Variants in DMD observed in about 807,000 individuals in gnomAD.
DMD encodes mutant dystrophin.
In DMD, 63 loss-of-function variants were observed where a neutral mutation model predicts 330.1. The observed-to-expected ratio is 0.19, with a 90% confidence interval of 0.16 to 0.24. DMD has a LOEUF of 0.24. Ranked by LOEUF, DMD falls within the 10% of genes least tolerant of loss-of-function variation. The probability of loss-of-function intolerance (pLI) is 1.00; values close to 1 mark genes in which losing one functional copy is unlikely to be tolerated. For missense variants in DMD, 3,344 were observed against 2,684.1 expected (o/e 1.25, Z -5.43); for synonymous variants, 1,223 against 959.8 (o/e 1.27, Z -5.07).
At chrX:33,046,426 T>C (rs1417593613) in intron 1 of DMD, among the ~76,000 whole-genome samples, 2 of 111,968 alleles carry the variant, frequency 1.8e-5, no homozygotes, top group African/African-American at 6.5e-5. Flanking sequence ...AATGTAAATG[T>C]GCTCCCCAAA....
intron 1 of DMD, among the ~76,000 whole-genome samples, chrX:33,129,556 AT>A (rs1375151648): frequency 2.8e-5 from 3 of 108,462 alleles, no homozygotes; most frequent in Non-Finnish European, 5.7e-5. Context: ...GTTTTCTTTA[AT>A]ATAAAATATT....
At chrX:31,519,973 TACAATAGG>T (rs2072596600) in intron 55 of DMD, among the ~76,000 whole-genome samples, 3 of 111,791 alleles carry the variant, frequency 2.7e-5, no homozygotes, top group Non-Finnish European at 5.6e-5. Flanking sequence ...TCTTCTCTTA[TACAATAGG>T]GTGAACAGTG....
At chrX:31,801,985 C>A (rs538931580) in intron 50 of DMD, among the ~76,000 whole-genome samples, 235 of 111,073 alleles carry the variant, frequency 2.1e-3, no homozygotes, top group African/African-American at 7.3e-3. Flanking sequence ...AGGATAGTGT[C>A]TCAATCAGAG....
intron 55 of DMD, among the ~76,000 whole-genome samples, chrX:31,529,893 T>TC (rs2073583197): frequency 1.0e-5 from 1 of 95,348 alleles, no homozygotes; most frequent in Non-Finnish European, 2.1e-5. Context: ...AAGAAAGATT[T>TC]CTTTAAAAAA....
intron 57 of DMD, among the ~76,000 whole-genome samples, chrX:31,495,294 T>C (rs2069731029): frequency 9.0e-6 from 1 of 111,610 alleles, no homozygotes; most frequent in African/African-American, 3.3e-5. Flanking sequence ...CAGAGATCTT[T>C]CCTTTACATG....
chrX:32,390,379 T>A (rs1200316798), intron 30 of DMD, among the ~76,000 whole-genome samples, 198 bp from the exon 31 acceptor site: 1 of 110,566 alleles, frequency 9.0e-6, no homozygotes, highest in Non-Finnish European at 1.9e-5. Flanking sequence ...ATCACCTAAA[T>A]AGAATTATCA....
At chrX:32,468,737 T>C (rs1324494645) in intron 22 of DMD, 27 bp from the exon 23 acceptor site, 1 of 1,112,058 alleles carries the variant, frequency 9.0e-7, no homozygotes. Context: ...TAAATACATT[T>C]ACCCTAATTG....
intron 45 of DMD, among the ~76,000 whole-genome samples, chrX:31,935,659 T>A (rs185739414): frequency 1.8e-5 from 2 of 111,546 alleles, no homozygotes; most frequent in African/African-American, 6.5e-5. Flanking sequence ...TGAATACTTT[T>A]AGTTAAGTAA....
At chrX:32,500,893 C>A (rs959336223) in intron 19 of DMD, among the ~76,000 whole-genome samples, 1 of 111,561 alleles carries the variant, frequency 9.0e-6, no homozygotes, top group African/African-American at 3.2e-5. Flanking sequence ...GAATTTATGC[C>A]CCAAAATGCA....
intron 37 of DMD, among the ~76,000 whole-genome samples, chrX:32,362,238 C>G (rs985167665): frequency 1.4e-4 from 15 of 109,924 alleles, no homozygotes; most frequent in Non-Finnish European, 2.3e-4. Context: ...ACAGTGTCTA[C>G]AACTAGCAAA....
At chrX:32,463,873 G>T (rs2098392171) in intron 24 of DMD, among the ~76,000 whole-genome samples, 1 of 111,940 alleles carries the variant, frequency 8.9e-6, no homozygotes, top group Admixed American at 9.5e-5. Context: ...TTAGAAAAAT[G>T]TGTGAAAATG....
intron 62 of DMD, among the ~76,000 whole-genome samples, chrX:31,263,525 A>C (rs2050734023): frequency 1.8e-5 from 2 of 112,075 alleles, no homozygotes; most frequent in African/African-American, 6.5e-5. Flanking sequence ...TGGAAGAAGG[A>C]GGAAATTCTA....
In DMD at chrX:32,320,955, T is replaced by C. The variant is rs2097610527; in HGVS notation, c.5923-10679A>G. On this transcript the variant is annotated intron_variant, in intron 41 of 78. Transcript: ENST00000357033. ...AAACTCAACTAATTTGTTATTATTC[T>C]ATATCCAATTGATTTTACTGAATTG... Among the ~76,000 whole-genome samples the C allele has an allele frequency of 5.4e-5, 6 of 111,970 alleles. No homozygotes were observed. In the South Asian group the frequency reaches 2.2e-3, roughly 41 times the overall value.
chrX:31,670,673 A>G (rs2081709677), intron 53 of DMD, among the ~76,000 whole-genome samples: 1 of 111,147 alleles, frequency 9.0e-6, no homozygotes, highest in South Asian at 3.8e-4. Flanking sequence ...TTGTCTTGCA[A>G]CTGTAGCACT....
At chrX:33,281,028 A>T (rs919264214) in intron 1 of DMD, among the ~76,000 whole-genome samples, 5 of 112,001 alleles carry the variant, frequency 4.5e-5, no homozygotes, top group African/African-American at 1.6e-4. Flanking sequence ...CTTAGAGAGA[A>T]TTCACATCTT....
chrX:31,848,105 TTTC>T (rs1377712424), intron 48 of DMD, among the ~76,000 whole-genome samples: 2 of 111,915 alleles, frequency 1.8e-5, no homozygotes, highest in Non-Finnish European at 3.8e-5. Context: ...AAAATTGACG[TTTC>T]TTAATATTAT....
chrX:31,860,345 T>C (rs1214397040), intron 48 of DMD, among the ~76,000 whole-genome samples: 4 of 111,477 alleles, frequency 3.6e-5, no homozygotes, highest in African/African-American at 1.3e-4. Flanking sequence ...TAGGAGAAAA[T>C]GGTATAATAT....
At chrX:32,252,677 A>AATATATATATATATATAAAT (rs766322442) in intron 43 of DMD, among the ~76,000 whole-genome samples, 1 of 33,576 alleles carries the variant, frequency 3.0e-5, no homozygotes, top group African/African-American at 1.5e-4. Context: ...TATATATATA[A>AATATATATATATATATAAAT]ATATATAAAT....
chrX:32,435,933 G>A (rs1404879931), intron 29 of DMD, among the ~76,000 whole-genome samples: 1 of 111,981 alleles, frequency 8.9e-6, no homozygotes, highest in Non-Finnish European at 1.9e-5. Context: ...ATCCACTACA[G>A]GTAGTTTCCC....
Sources: gnomAD v4.1 joint callset for allele counts (sites outside exome capture counted in the v4.1 genomes callset) on GRCh38, gnomAD v4.1.1 for gene constraint, MANE v1.5 for transcripts, NCBI Gene and HGNC (gene_info 2026-07-23, HGNC 2026-07-21) for gene names.